CSMD1: variants seen among roughly 807,000 people sequenced by gnomAD.
CSMD1 encodes the protein CUB and Sushi multiple domains 1.
A neutral mutation model predicts 417.5 loss-of-function variants in CSMD1; 213 were observed. The ratio of observed to expected loss-of-function variants is 0.51; its 90% CI spans 0.46 to 0.57. The LOEUF is 0.57. CSMD1 is among the 20% of genes least tolerant of loss of function. The probability of loss-of-function intolerance (pLI) is 0.00; values close to 1 mark genes in which losing one functional copy is unlikely to be tolerated. For missense variants in CSMD1, 6,923 were observed against 4,529.7 expected (o/e 1.53, Z -15.17); for synonymous variants, 2,862 against 1,736.8 (o/e 1.65, Z -16.11).
intron 4 of CSMD1, among the ~76,000 whole-genome samples, chr8:4,013,751 A>G (rs1473745687): frequency 6.6e-6 from 1 of 152,226 alleles, no homozygotes. Context: ...TGTGGGTTAC[A>G]TTCAGTCCAG....
intron 3 of CSMD1, among the ~76,000 whole-genome samples, chr8:4,401,773 G>A (rs1357171038): frequency 2.0e-5 from 3 of 151,792 alleles, no homozygotes; most frequent in South Asian, 2.1e-4. Context: ...CATAGTCCCC[G>A]CAGCCCTGTC....
At chr8:2,947,910 A>G (rs940667673) in intron 68 of CSMD1, among the ~76,000 whole-genome samples, 18 of 150,550 alleles carry the variant, frequency 1.2e-4, no homozygotes, top group African/African-American at 4.2e-4. Context: ...GAAGTAAAGT[A>G]TTTTATGATT....
chr8:4,220,074 C>T (rs930850101), intron 3 of CSMD1, among the ~76,000 whole-genome samples: 10 of 152,124 alleles, frequency 6.6e-5, no homozygotes, highest in African/African-American at 1.2e-4. Flanking sequence ...CTCAGCCTCC[C>T]GAGTACCTGT....
At chr8:3,658,644 G>T (rs762897248) in intron 7 of CSMD1, among the ~76,000 whole-genome samples, 1 of 151,816 alleles carries the variant, frequency 6.6e-6, no homozygotes, top group African/African-American at 2.4e-5. Flanking sequence ...TCAGTTGGGC[G>T]TGGTGGTGCG....
At chr8:3,098,314 T>C (rs541693303) in intron 46 of CSMD1, among the ~76,000 whole-genome samples, 78 of 152,352 alleles carry the variant, frequency 5.1e-4, no homozygotes, top group Non-Finnish European at 8.5e-4. Flanking sequence ...CATTTCAAGA[T>C]AGAAGCTTTT....
chr8:4,332,120 C>T (rs534770818), intron 3 of CSMD1, among the ~76,000 whole-genome samples: 1 of 152,224 alleles, frequency 6.6e-6, no homozygotes, highest in South Asian at 2.1e-4. Context: ...CATAATTCTA[C>T]CCCAAAGTTG....
At chr8:4,933,364 C>T (rs5001124) in intron 1 of CSMD1, among the ~76,000 whole-genome samples, 47,302 of 152,038 alleles carry the variant, frequency 0.31, 8,325 homozygotes, top group Non-Finnish European at 0.41. Flanking sequence ...TTTTGGTAAA[C>T]TGTAAGTGCT....
At chr8:4,476,892 A>T (rs1193520046) in intron 2 of CSMD1, among the ~76,000 whole-genome samples, 1 of 152,328 alleles carries the variant, frequency 6.6e-6, no homozygotes, top group East Asian at 1.9e-4. Flanking sequence ...TGTGAAGGAA[A>T]AATCCCAGGG....
chr8:4,414,134 T>G (rs1451982372), intron 3 of CSMD1, among the ~76,000 whole-genome samples: 9 of 152,204 alleles, frequency 5.9e-5, no homozygotes, highest in Admixed American at 2.0e-4. Context: ...AATAAATCAG[T>G]GCTGACATTC....
intron 1 of CSMD1, among the ~76,000 whole-genome samples, chr8:4,944,984 C>A (rs147175476): frequency 1.3e-5 from 2 of 152,088 alleles, no homozygotes; most frequent in African/African-American, 4.8e-5. Context: ...TCAAAACAGA[C>A]GAGAGGTGGA....
chr8:4,837,931 A>T (rs1166397451), intron 1 of CSMD1, among the ~76,000 whole-genome samples: 3 of 152,080 alleles, frequency 2.0e-5, no homozygotes, highest in African/African-American at 4.8e-5. Context: ...TAAAAGACAG[A>T]TATAGACACA....
In CSMD1 at chr8:3,307,737, T is replaced by C; in HGVS notation, c.3908A>G (p.His1303Arg). 1 of 1,613,750 alleles carries C rather than the reference T, an allele frequency of 6.2e-7. No homozygotes were observed. The highest frequency in any genetic ancestry group is 1.1e-5 in the South Asian group (1 of 91,076). The change falls in exon 25 of 70, where the codon CAC becomes CGC. Residue 1303 changes from histidine (H) to arginine (R), a missense_variant. Physicochemically the swap from His to Arg is conservative, Grantham distance 29. Transcript: ENST00000635120. ...GYPAPYDNNL[H>R]CTWIIEADPG... ...GTCTGCCTCTATAATCCAGGTGCAG[T>C]GGAGGTTGTTGTCATACGGAGCTGG...
In CSMD1 at chr8:4,843,631, G is replaced by C. The variant is rs765002127; in HGVS notation, c.85+150701C>G. Among the ~76,000 whole-genome samples the C allele has an allele frequency of 9.9e-5, 15 of 152,252 alleles. No individual in the cohort carries two copies. In the South Asian group the frequency reaches 2.1e-3, roughly 21 times the overall value. On this transcript the variant is annotated intron_variant, in intron 1 of 69. Transcript: ENST00000635120. ...AGGAGTTCTGTTTTCTATGGACCTA[G>C]GGAACTCTGCCTGAATCTTATTAAA...
At chr8:4,428,807 C>A (rs1797707044) in intron 2 of CSMD1, among the ~76,000 whole-genome samples, 1 of 152,120 alleles carries the variant, frequency 6.6e-6, no homozygotes, top group South Asian at 2.1e-4. Flanking sequence ...GCAACCTCCA[C>A]CTCCCAGGTT....
At chr8:3,207,680 A>C (rs532489914) in intron 30 of CSMD1, among the ~76,000 whole-genome samples, 1 of 152,268 alleles carries the variant, frequency 6.6e-6, no homozygotes, top group African/African-American at 2.4e-5. Context: ...GTATTCTAAA[A>C]GTCAAAGGAA....
chr8:4,458,182 T>A (rs78332238), intron 2 of CSMD1, among the ~76,000 whole-genome samples: 65 of 152,300 alleles, frequency 4.3e-4, no homozygotes, highest in Admixed American at 9.2e-4. Flanking sequence ...ATACTAAATA[T>A]CAAAATGATA....
At chr8:4,673,820 G>C (rs532211408) in intron 1 of CSMD1, among the ~76,000 whole-genome samples, 1 of 152,138 alleles carries the variant, frequency 6.6e-6, no homozygotes. Flanking sequence ...TATCCACAGA[G>C]ACTAAAAGCA....
intron 25 of CSMD1, among the ~76,000 whole-genome samples, chr8:3,287,485 T>C (rs6992226): frequency 7.0e-6 from 1 of 142,690 alleles, no homozygotes; most frequent in African/African-American, 2.4e-5. Context: ...CCTTGAGCAG[T>C]GGTTTGTAGT....
At chr8:4,013,946 G>A (rs533210338) in intron 4 of CSMD1, among the ~76,000 whole-genome samples, 1 of 152,232 alleles carries the variant, frequency 6.6e-6, no homozygotes, top group East Asian at 1.9e-4. Flanking sequence ...TGATTGATAA[G>A]TGTATGTAAT....
Sources: allele counts gnomAD v4.1 joint callset (sites outside exome capture counted in the v4.1 genomes callset), GRCh38; gene constraint gnomAD v4.1.1; transcripts MANE v1.5; gene names NCBI Gene and HGNC (gene_info 2026-07-23, HGNC 2026-07-21).